WWTR1: variants seen among roughly 807,000 people sequenced by gnomAD.
WWTR1 encodes WW domain-containing transcription regulator protein 1.
Under a neutral mutation model 40.1 loss-of-function variants are expected in WWTR1, and 13 were observed. That is an observed-to-expected ratio of 0.32 (90% CI 0.21 to 0.52). The LOEUF (loss-of-function observed/expected upper bound fraction) is 0.52. Ranked by LOEUF, WWTR1 falls within the 20% of genes least tolerant of loss-of-function variation. The pLI is 0.97. For missense variants in WWTR1, 436 were observed against 523.1 expected (o/e 0.83, Z 1.63); for synonymous variants, 230 against 210.1 (o/e 1.09, Z -0.82).
intron 2 of WWTR1, among the ~76,000 whole-genome samples, chr3:149,651,829 C>CTTTTT (rs764013293): frequency 8.5e-6 from 1 of 118,000 alleles, no homozygotes; most frequent in Non-Finnish European, 1.7e-5. Context: ...TATGGATTTT[C>CTTTTT]TTTTTTTTTT....
chr3:149,714,867 C>A (rs1016684034), intron 5 of WWTR1, among the ~76,000 whole-genome samples: 3 of 152,124 alleles, frequency 2.0e-5, no homozygotes, highest in Admixed American at 1.3e-4. Context: ...CATTAAAAAC[C>A]CCCAGAGTCA....
chr3:149,566,538 G>A (rs1356947687), intron 3 of WWTR1, among the ~76,000 whole-genome samples: 8 of 151,944 alleles, frequency 5.3e-5, no homozygotes, highest in Admixed American at 5.2e-4. Context: ...TGTCTGCCGT[G>A]AACTCACCAT....
intron 3 of WWTR1, among the ~76,000 whole-genome samples, chr3:149,551,403 G>A (rs1736613633): frequency 6.9e-6 from 1 of 145,606 alleles, no homozygotes; most frequent in Admixed American, 6.8e-5. Flanking sequence ...CATACACTGG[G>A]TAATACACTT....
chr3:149,637,681 C>T lies in WWTR1; in HGVS notation c.431+19195G>A, dbSNP rs77714318. On this transcript the variant is annotated intron_variant, in intron 2 of 6. Transcript: ENST00000360632. ...CATTCATTTACAAACAAACCTTACACGACACTCTGATGGACAGTAGAAAAG... is the reference window on the plus strand; with the variant it reads ...CATTCATTTACAAACAAACCTTACATGACACTCTGATGGACAGTAGAAAAG... Among the ~76,000 whole-genome samples, 180 of 152,240 alleles carry T rather than the reference C, an allele frequency of 1.2e-3. 1 individual carries two copies. The East Asian group carries it at 0.033, about 28-fold the overall frequency.
At chr3:149,723,687 A>AAAGGGGGAAAATGTAGG (rs1715810517) in intron 4 of WWTR1, among the ~76,000 whole-genome samples, 1 of 152,150 alleles carries the variant, frequency 6.6e-6, no homozygotes, top group African/African-American at 2.4e-5. Context: ...CTAGTTCCTA[A>AAAGGGGGAAAATGTAGG]AAGGGGGAAA....
chr3:149,679,747 G>A (rs1402919721), intron 1 of WWTR1, among the ~76,000 whole-genome samples: 1 of 152,100 alleles, frequency 6.6e-6, no homozygotes, highest in Non-Finnish European at 1.5e-5. Context: ...AGCTCCTAGG[G>A]ATGATGATAA....
upstream of WWTR1, chr3:149,660,417 T>G (rs1013549757): frequency 3.9e-5 from 6 of 152,206 alleles, no homozygotes; most frequent in African/African-American, 1.4e-4. Flanking sequence ...CTTCAAGAAA[T>G]AGATAGTGCA....
intron 1 of WWTR1, among the ~76,000 whole-genome samples, chr3:149,671,751 C>T (rs1333796882): frequency 1.3e-5 from 2 of 151,990 alleles, no homozygotes; most frequent in African/African-American, 4.8e-5. Flanking sequence ...TTTTATTCTA[C>T]TTCTACATAT....
intron 2 of WWTR1, among the ~76,000 whole-genome samples, chr3:149,648,453 A>C (rs571469331): frequency 6.6e-6 from 1 of 152,228 alleles, no homozygotes; most frequent in South Asian, 2.1e-4. Context: ...CAAAAAAAAA[A>C]CAGTAATATG....
chr3:149,649,685 G>A (rs896494604), intron 2 of WWTR1, among the ~76,000 whole-genome samples: 1 of 152,142 alleles, frequency 6.6e-6, no homozygotes, highest in Non-Finnish European at 1.5e-5. Context: ...GGGATGCCAT[G>A]GTGGGCAGAT....
intron 1 of WWTR1, among the ~76,000 whole-genome samples, chr3:149,679,466 C>A (rs897153972): frequency 8.5e-5 from 13 of 152,096 alleles, no homozygotes; most frequent in African/African-American, 3.1e-4. Context: ...TTCAGCCTTT[C>A]CAGATAAGTT....
chr3:149,680,246 T>C (rs1372077187), intron 1 of WWTR1, among the ~76,000 whole-genome samples: 1 of 152,130 alleles, frequency 6.6e-6, no homozygotes, highest in Non-Finnish European at 1.5e-5. Flanking sequence ...GGTATATATG[T>C]AAAATACTTA....
chr3:149,585,429 C>T (rs1159035050), intron 2 of WWTR1, among the ~76,000 whole-genome samples: 1 of 152,200 alleles, frequency 6.6e-6, no homozygotes. Flanking sequence ...GCCACTGCAC[C>T]TGGCTGATAT....
At chr3:149,597,555 G>T (rs753745990) in intron 2 of WWTR1, among the ~76,000 whole-genome samples, 3 of 152,102 alleles carry the variant, frequency 2.0e-5, no homozygotes, top group Non-Finnish European at 2.9e-5. Context: ...TGGGGTGGAA[G>T]GATCACCTGA....
At chr3:149,697,070 A>C (rs1715016973) in intron 1 of WWTR1, among the ~76,000 whole-genome samples, 1 of 152,212 alleles carries the variant, frequency 6.6e-6, no homozygotes, top group Admixed American at 6.5e-5. Context: ...AGTAAGAACC[A>C]CAGCACATGA....
At position 149,581,346 on chromosome 3, in the gene WWTR1, T is replaced by TA. The variant is rs373655086; in HGVS notation, c.432-8347dup. Among the ~76,000 whole-genome samples, 751 of 141,484 alleles carry TA rather than the reference T, an allele frequency of 5.3e-3. 3 individuals carry two copies. The highest frequency in any genetic ancestry group is 7.2e-3 in the Middle Eastern group (2 of 278). 92.8% of individuals were successfully genotyped at this position (141,484 alleles called of 152,430 possible). A position where few individuals can be genotyped will look rare whatever the true frequency, so the allele number is the denominator to read the frequency against. ...TTCAGAGTTTAAACCCCAAAGCTAT[T>TA]AAAAAAAAAAAAAGACTCATGCCAT... On this transcript the variant is annotated intron_variant, in intron 2 of 6. Coordinates refer to ENST00000360632, the MANE Select transcript of WWTR1 (RefSeq NM_015472.6).
intron 2 of WWTR1, among the ~76,000 whole-genome samples, chr3:149,593,405 T>C (rs1236767332): frequency 6.6e-6 from 1 of 151,452 alleles, no homozygotes; most frequent in Non-Finnish European, 1.5e-5. Flanking sequence ...TTTTTTTAAT[T>C]GCATGCTCAT....
intron 2 of WWTR1, among the ~76,000 whole-genome samples, chr3:149,603,827 T>C (rs2108054519): frequency 7.9e-6 from 1 of 126,398 alleles, no homozygotes; most frequent in Middle Eastern, 5.8e-3. Flanking sequence ...AAAAAAATCC[T>C]CTACTGGTGC....
chr3:149,575,746 AG>A (rs1332265084), intron 2 of WWTR1, among the ~76,000 whole-genome samples: 2 of 152,200 alleles, frequency 1.3e-5, no homozygotes, highest in Admixed American at 6.5e-5. Flanking sequence ...CGGCAAGAGC[AG>A]GAACATCTAG....
Sources: gnomAD v4.1 joint callset for allele counts (sites outside exome capture counted in the v4.1 genomes callset) on GRCh38, gnomAD v4.1.1 for gene constraint, MANE v1.5 for transcripts, NCBI Gene and HGNC (gene_info 2026-07-23, HGNC 2026-07-21) for gene names.